The following SLC30A8 variants were observed in gnomAD, a reference collection of about 807,000 sequenced individuals.
SLC30A8 encodes solute carrier family 30 member 8, also known as proton-coupled zinc antiporter SLC30A8.
SLC30A8 carries 27 observed loss-of-function variants against 36.9 expected under a neutral mutation model. That is an observed-to-expected ratio of 0.73 (90% CI 0.54 to 1.01). The LOEUF (loss-of-function observed/expected upper bound fraction) is 1.01. Ranked by LOEUF, SLC30A8 falls within the 50% of genes least tolerant of loss-of-function variation. The pLI, the probability that SLC30A8 is intolerant of heterozygous loss-of-function variation, is 0.00. For missense variants in SLC30A8, 439 were observed against 452.0 expected (o/e 0.97, Z 0.26); for synonymous variants, 164 against 172.4 (o/e 0.95, Z 0.38).
intron 1 of SLC30A8, among the ~76,000 whole-genome samples, chr8:116,977,482 T>C (rs1199988547): frequency 2.0e-5 from 3 of 150,548 alleles, no homozygotes; most frequent in Non-Finnish European, 4.4e-5. Flanking sequence ...TGGGAGTTTA[T>C]TGTAGACACA....
intron 5 of SLC30A8, among the ~76,000 whole-genome samples, chr8:117,162,295 C>A (rs1822832718): frequency 6.6e-6 from 1 of 152,118 alleles, no homozygotes; most frequent in Non-Finnish European, 1.5e-5. Flanking sequence ...GTTTTTGTCA[C>A]TTCTGAAGAA....
intron 1 of SLC30A8, among the ~76,000 whole-genome samples, chr8:116,985,293 TAC>T (rs71305454): frequency 0.3 from 41,690 of 140,016 alleles, 6,366 homozygotes; most frequent in South Asian, 0.41. Flanking sequence ...CTCACACACA[TAC>T]ACACACACAC....
intron 2 of SLC30A8, among the ~76,000 whole-genome samples, chr8:117,066,723 T>C (rs559812198): frequency 2.6e-5 from 4 of 152,246 alleles, no homozygotes; most frequent in South Asian, 4.1e-4. Flanking sequence ...ATGTGTACTT[T>C]TTTTTTTCCT....
intron 2 of SLC30A8, among the ~76,000 whole-genome samples, chr8:117,063,596 G>T (rs1818083455): frequency 6.6e-6 from 1 of 152,126 alleles, no homozygotes; most frequent in Admixed American, 6.5e-5. Context: ...TAGGTTTTTA[G>T]TCCACTTCCT....
chr8:117,113,079 C>G (rs1433477908), intron 2 of SLC30A8, among the ~76,000 whole-genome samples: 1 of 152,120 alleles, frequency 6.6e-6, no homozygotes, highest in Non-Finnish European at 1.5e-5. Flanking sequence ...TATAATCTTG[C>G]TACTCAAATT....
At position 117,061,493 on chromosome 8, in the gene SLC30A8, A is replaced by G. The variant is rs141135505; in HGVS notation, c.-226+22235A>G. ...AATATGAACATGTGAAATAAAGATC[A>G]TCTCAGAAGAAGCAATCAAGAAGTT... On this transcript the variant is annotated intron_variant, in intron 2 of 10. Transcript: ENST00000427715. 2.6e-4 allele frequency among the ~76,000 whole-genome samples: 39 copies of G among 152,372 alleles called. No homozygotes were observed. The East Asian group carries it at 6.5e-3, about 26-fold the overall frequency.
intron 2 of SLC30A8, among the ~76,000 whole-genome samples, chr8:117,109,643 C>T (rs548683190): frequency 6.6e-6 from 1 of 152,214 alleles, no homozygotes; most frequent in African/African-American, 2.4e-5. Context: ...AATGAATGGC[C>T]CCTTATCTGA....
chr8:117,043,430 C>T (rs1343305416), intron 2 of SLC30A8, among the ~76,000 whole-genome samples: 3 of 152,066 alleles, frequency 2.0e-5, no homozygotes, highest in East Asian at 1.9e-4. Flanking sequence ...GGGAAGTCAT[C>T]GTATGTCAGG....
chr8:116,997,662 CCAGA>C (rs1563740599), intron 1 of SLC30A8, among the ~76,000 whole-genome samples: 1 of 151,958 alleles, frequency 6.6e-6, no homozygotes, highest in African/African-American at 2.4e-5. Context: ...GCAAAACACC[CCAGA>C]CAGTGTTTTG....
intron 1 of SLC30A8, among the ~76,000 whole-genome samples, chr8:116,955,179 A>G (rs112177066): frequency 6.6e-6 from 1 of 152,334 alleles, no homozygotes; most frequent in African/African-American, 2.4e-5. Context: ...TCCTTCCAAA[A>G]TAGATGTCCA....
chr8:116,954,314 CA>C (rs1814109881), intron 1 of SLC30A8, among the ~76,000 whole-genome samples: 1 of 151,732 alleles, frequency 6.6e-6, no homozygotes, highest in South Asian at 2.1e-4. Flanking sequence ...ATCAAATAGG[CA>C]ATATTAAATG....
chr8:117,083,297 G>A (rs375776893), intron 2 of SLC30A8, among the ~76,000 whole-genome samples: 7 of 152,078 alleles, frequency 4.6e-5, no homozygotes, highest in Admixed American at 3.3e-4. Context: ...TCCTCCCATT[G>A]CTGACAGCTC....
chr8:117,040,716 G>A (rs1260557905), intron 2 of SLC30A8, among the ~76,000 whole-genome samples: 1 of 152,150 alleles, frequency 6.6e-6, no homozygotes, highest in African/African-American at 2.4e-5. Context: ...GAAGGCAAGC[G>A]TAAGCACTGA....
rs1018852833 is a variant in SLC30A8, at chr8:117,157,719, G to C, written c.447G>C (p.Leu149=). Residue 149 remains leucine (L), a synonymous_variant, in exon 4 of 8, where the codon CTG becomes CTC. Transcript: ENST00000456015. ...TCCTTGGTGCCCTGCTCTCCATCCT[G>C]TGCATCTGGGTGGTGACTGGCGTGC... is the stretch of plus-strand genomic sequence containing the variant. The part of the protein sequence containing the change: ...AEILGALLSI[L]CIWVVTGVLV... 5.6e-6 allele frequency: 9 copies of C among 1,614,104 alleles called. No homozygotes were observed. The highest frequency in any genetic ancestry group is 7.6e-6 in the Non-Finnish European group (9 of 1,180,002).
intron 1 of SLC30A8, among the ~76,000 whole-genome samples, chr8:116,958,100 A>T (rs994142958): frequency 2.6e-5 from 4 of 152,104 alleles, no homozygotes; most frequent in African/African-American, 9.7e-5. Context: ...ATTTTCTTCA[A>T]CTGATGTTGA....
chr8:117,096,667 A>T (rs2130843362), intron 2 of SLC30A8, among the ~76,000 whole-genome samples: 1 of 152,260 alleles, frequency 6.6e-6, no homozygotes, highest in East Asian at 1.9e-4. Context: ...ATAGATAATA[A>T]ACACCAGTTT....
intron 1 of SLC30A8, among the ~76,000 whole-genome samples, chr8:117,016,571 C>T (rs1190662661): frequency 2.0e-5 from 3 of 152,102 alleles, no homozygotes; most frequent in Non-Finnish European, 4.4e-5. Flanking sequence ...CTTTGGGTTC[C>T]CTGTTTAGTC....
intron 2 of SLC30A8, among the ~76,000 whole-genome samples, chr8:117,100,734 T>C (rs927232656): frequency 6.6e-5 from 10 of 152,168 alleles, no homozygotes; most frequent in African/African-American, 2.4e-4. Flanking sequence ...CTGTTTAGAG[T>C]AGATACTATC....
intron 2 of SLC30A8, among the ~76,000 whole-genome samples, chr8:117,053,114 T>C (rs931868015): frequency 9.2e-5 from 14 of 152,072 alleles, no homozygotes; most frequent in African/African-American, 2.9e-4. Flanking sequence ...GAGGTTTCAT[T>C]GTGTTAGCCA....
Sources: gnomAD v4.1 joint callset for allele counts (sites outside exome capture counted in the v4.1 genomes callset) on GRCh38, gnomAD v4.1.1 for gene constraint, MANE v1.5 for transcripts, NCBI Gene and HGNC (gene_info 2026-07-23, HGNC 2026-07-21) for gene names.